The following SEC24A variants were observed in gnomAD, a reference collection of about 807,000 sequenced individuals.
SEC24A encodes protein transport protein Sec24A.
SEC24A carries 93 observed loss-of-function variants against 129.4 expected under a neutral mutation model. The ratio of observed to expected loss-of-function variants is 0.72; its 90% CI spans 0.61 to 0.85. SEC24A has a LOEUF of 0.85. Ranked by LOEUF, SEC24A falls within the 40% of genes least tolerant of loss-of-function variation. The pLI is 0.00. For synonymous variants in SEC24A, 460 were observed against 467.3 expected, an observed-to-expected ratio of 0.98 and a Z score of 0.20; for missense variants, 1,264 against 1,307.4, an observed-to-expected ratio of 0.97 and a Z score of 0.51.
intron 9 of SEC24A, among the ~76,000 whole-genome samples, chr5:134,684,796 G>C (rs1033821629): frequency 6.6e-6 from 1 of 151,920 alleles, no homozygotes; most frequent in African/African-American, 2.4e-5. Context: ...TTCCTTTATT[G>C]GATTAAAACA....
chr5:134,672,716 T>C (rs1750909891), intron 4 of SEC24A, among the ~76,000 whole-genome samples: 1 of 152,170 alleles, frequency 6.6e-6, no homozygotes. Flanking sequence ...TTTATTATTA[T>C]TATGTTTTGA....
rs749433036 is a variant in SEC24A, at chr5:134,679,591, T to C, written c.1255-11T>C. The C allele has an allele frequency of 1.3e-6, 2 of 1,555,356 alleles. No individual in the cohort carries two copies. Among genetic ancestry groups the C allele is most frequent in the South Asian group, 2.4e-5 (2 of 82,718 alleles). On this transcript the variant is annotated splice_polypyrimidine_tract_variant and intron_variant, in intron 7 of 22. Coordinates refer to ENST00000398844, the MANE Select transcript of SEC24A (RefSeq NM_021982.3). ...GCCTTTAAAAATTTAATTCTGTTTTTTTTTTTCCAGCAATTGCCTGTGGTT... is the reference window on the plus strand; with the variant it reads ...GCCTTTAAAAATTTAATTCTGTTTTCTTTTTTCCAGCAATTGCCTGTGGTT...
Position 134,686,904 on chromosome 5 carries a change from TA to T in SEC24A, c.1604+4del. On this transcript the variant is annotated splice_donor_region_variant and intron_variant, in intron 10 of 22. Transcript: ENST00000398844. Reference sequence around the variant, plus strand: ...GAGTTTGTTAGACAATCTGGATTTGTAAGTTTCTCAATTCAGCTTAAATATG... The same window carrying T: ...GAGTTTGTTAGACAATCTGGATTTGTAGTTTCTCAATTCAGCTTAAATATG... 3.9e-6 allele frequency: 6 copies of T among 1,532,800 alleles called. No individual in the cohort carries two copies. The highest frequency in any genetic ancestry group is 1.4e-5 in the African/African-American group (1 of 72,996). The allele number at this position is 1,532,800 out of a possible 1,614,324, so 94.9% of individuals were successfully genotyped here.
intron 9 of SEC24A, among the ~76,000 whole-genome samples, chr5:134,684,382 A>C (rs897508634): frequency 1.1e-4 from 17 of 151,842 alleles, no homozygotes; most frequent in African/African-American, 3.6e-4. Context: ...ACTTATGAGG[A>C]ACCAGTCTCC....
At chr5:134,656,732 G>A (rs1422967948) in intron 1 of SEC24A, among the ~76,000 whole-genome samples, 1 of 151,208 alleles carries the variant, frequency 6.6e-6, no homozygotes, top group Non-Finnish European at 1.5e-5. Flanking sequence ...CACCCACCTC[G>A]GCCTCCCAAA....
Position 134,682,588 on chromosome 5 carries a change from CAG to C in SEC24A, c.1491+109_1491+110del, listed in dbSNP as rs1264701920. The stretch of plus-strand genomic sequence containing the variant: ...AATTTTATTTTATTTTATTTTGAGA[CAG>C]AGTTTCACTCTCATTGCCCATGCTG... On this transcript the variant is annotated intron_variant, in intron 9 of 22. Transcript: ENST00000398844. 5.1e-6 allele frequency: 3 copies of C among 589,116 alleles called. No individual in the cohort carries two copies. The East Asian group carries it at 9.1e-5, about 18-fold the overall frequency. 36.5% of individuals were successfully genotyped at this position (589,116 alleles called of 1,614,324 possible).
chr5:134,702,369 T>C (rs1192573052), intron 15 of SEC24A, among the ~76,000 whole-genome samples: 1 of 152,226 alleles, frequency 6.6e-6, no homozygotes, highest in Non-Finnish European at 1.5e-5. Context: ...ACAAGCAACA[T>C]GTGCATCTGT....
In SEC24A at chr5:134,648,988, C is replaced by T. The variant is rs899990825; in HGVS notation, c.-89C>T. ...CCAGTCTTCAGTCTTAAGTCGTTAG[C>T]CTCCTCCCTCCGCTTTCAGCAGTGG... On this transcript the variant is annotated 5_prime_UTR_variant, in exon 1 of 23. Coordinates refer to ENST00000398844, the MANE Select transcript of SEC24A (RefSeq NM_021982.3). 6.4e-6 allele frequency: 6 copies of T among 932,042 alleles called. No individual in the cohort carries two copies. The highest frequency in any genetic ancestry group is 3.1e-5 in the South Asian group (2 of 64,478). 57.7% of individuals were successfully genotyped at this position (932,042 alleles called of 1,614,324 possible).
In SEC24A at chr5:134,661,486, A is replaced by G. The variant is rs1416070282; in HGVS notation, c.465A>G (p.Ala155=). Residue 155 remains alanine, a synonymous_variant, in exon 2 of 23, where the codon GCA becomes GCG. Coordinates refer to ENST00000398844, the MANE Select transcript of SEC24A (RefSeq NM_021982.3). ...TASQTNHCPR[A]SSQPTVSGNT... is the part of the protein sequence containing the mutation. ...CACAAACAAACCATTGTCCTCGTGC[A>G]TCATCCCAACCAACTGTATCTGGAA... 1 of 1,614,230 alleles carries G rather than the reference A, an allele frequency of 6.2e-7. No individual in the cohort carries two copies.
intron 7 of SEC24A, 48 bp from the exon 8 acceptor site, chr5:134,679,554 A>G (rs781752259): frequency 3.6e-6 from 5 of 1,378,854 alleles, no homozygotes; most frequent in African/African-American, 2.9e-5. Flanking sequence ...TGTTTTCAAC[A>G]TGATGATTTT....
At chr5:134,682,334 T>C in intron 8 of SEC24A, 39 bp from the exon 9 acceptor site, 1 of 1,062,638 alleles carries the variant, frequency 9.4e-7, no homozygotes, top group Non-Finnish European at 1.4e-6. Flanking sequence ...TTAAATTCTT[T>C]TCAGTTTTTT....
At chr5:134,715,468 G>A in intron 19 of SEC24A, 1 of 235,490 alleles carries the variant, frequency 4.2e-6, no homozygotes, top group Non-Finnish European at 8.1e-6. Context: ...CATTTTAAAA[G>A]TTCTGGGTGC....
chr5:134,722,020 G>A (rs1430893858), intron 21 of SEC24A, among the ~76,000 whole-genome samples: 1 of 152,116 alleles, frequency 6.6e-6, no homozygotes, highest in Non-Finnish European at 1.5e-5. Context: ...ATAACTGAAC[G>A]AATCAATTAA....
chr5:134,654,940 C>T (rs1750189062), intron 1 of SEC24A, among the ~76,000 whole-genome samples: 1 of 151,304 alleles, frequency 6.6e-6, no homozygotes, highest in African/African-American at 2.4e-5. Flanking sequence ...TGGTCTCGAA[C>T]TCCTGACCTC....
intron 20 of SEC24A, among the ~76,000 whole-genome samples, chr5:134,720,785 C>G (rs942340041): frequency 6.6e-6 from 1 of 152,058 alleles, no homozygotes; most frequent in Non-Finnish European, 1.5e-5. Context: ...CGCCTGTAGT[C>G]CCAGCTACTC....
In SEC24A at chr5:134,703,943, T is replaced by C; in HGVS notation, c.2440+11T>C. On this transcript the variant is annotated intron_variant, in intron 16 of 22. Coordinates refer to ENST00000398844, the MANE Select transcript of SEC24A (RefSeq NM_021982.3). ...ATACATCCAGCAAAGGTAAATTGTT[T>C]GTTTTTTTTTGGATTTCAAATGTTC... The C allele has an allele frequency of 6.5e-7, 1 of 1,532,706 alleles. No homozygotes were observed. Among genetic ancestry groups the C allele is most frequent in the Non-Finnish European group, 8.8e-7 (1 of 1,131,664 alleles). The allele number at this position is 1,532,706 out of a possible 1,614,324, so 94.9% of individuals were successfully genotyped here. A position where few individuals can be genotyped will look rare whatever the true frequency, so the allele number is the denominator to read the frequency against.
rs1188708029 is a variant in SEC24A at position 134,671,803 on chromosome 5, T to C, written c.740-6T>C. 1.9e-6 allele frequency: 3 copies of C among 1,550,396 alleles called. No homozygotes were observed. In the South Asian group the frequency reaches 3.6e-5, roughly 19 times the overall value. On this transcript the variant is annotated splice_region_variant and splice_polypyrimidine_tract_variant and intron_variant, in intron 3 of 22. Coordinates refer to ENST00000398844, the MANE Select transcript of SEC24A (RefSeq NM_021982.3). ...TTAAAATCTTGTTGATGAACTTCCT[T>C]CTTAGGTATTACATCAAATACCAAT...
intron 2 of SEC24A, among the ~76,000 whole-genome samples, chr5:134,664,687 A>G (rs1424521799): frequency 6.6e-6 from 1 of 151,640 alleles, no homozygotes; most frequent in Non-Finnish European, 1.5e-5. Context: ...CACTTCTTTG[A>G]TAAGGGAGTT....
At chr5:134,661,621 A>G (rs2150072441) in intron 2 of SEC24A, 35 bp downstream of exon 2, 3 of 1,487,760 alleles carry the variant, frequency 2.0e-6, no homozygotes, top group East Asian at 4.6e-5. Context: ...AAATGTAGAA[A>G]TGTGAAACTT....
Sources: allele counts gnomAD v4.1 joint callset (sites outside exome capture counted in the v4.1 genomes callset), GRCh38; gene constraint gnomAD v4.1.1; transcripts MANE v1.5; gene names NCBI Gene and HGNC (gene_info 2026-07-23, HGNC 2026-07-21).